Variants in KIF3B observed in about 807,000 individuals in gnomAD.
KIF3B encodes the protein kinesin family member 3B.
In KIF3B, 38 loss-of-function variants were observed where a neutral mutation model predicts 74.3. The ratio of observed to expected loss-of-function variants is 0.51; its 90% CI spans 0.39 to 0.67. KIF3B has a LOEUF of 0.67. Among genes scored for constraint, KIF3B ranks in the 30% least tolerant of loss-of-function variants. KIF3B has a pLI of 0.00. For synonymous variants in KIF3B, 326 were observed against 342.5 expected (o/e 0.95, Z 0.53); for missense variants, 649 against 932.0 (o/e 0.70, Z 3.95).
chr20:32,293,693 C>T (rs1403865624), intron 1 of KIF3B, among the ~76,000 whole-genome samples: 1 of 151,964 alleles, frequency 6.6e-6, no homozygotes, highest in Non-Finnish European at 1.5e-5. Flanking sequence ...GGAAGAAGTA[C>T]AGTGGTATAT....
Position 32,311,179 on chromosome 20 carries a change from A to G in KIF3B, c.1402A>G (p.Lys468Glu). Residue 468 changes from lysine (K) to glutamate (E), a missense_variant and splice_region_variant, in exon 2 of 9, where the codon AAG (lysine) becomes GAG (glutamate). Transcript: ENST00000375712. ...TGCCGAGATGCTGGGCGCCAAGATC[A>G]AGGTACCATACCCGTACCCTTCCTT... ...DAAEMLGAKI[K>E]AMESKLLVGG... The G allele has an allele frequency of 1.9e-6, 3 of 1,606,612 alleles. No individual in the cohort carries two copies. Among genetic ancestry groups the G allele is most frequent in the South Asian group, 1.1e-5 (1 of 89,698 alleles).
At chr20:32,301,859 A>C (rs1042915252) in intron 1 of KIF3B, among the ~76,000 whole-genome samples, 1 of 152,236 alleles carries the variant, frequency 6.6e-6, no homozygotes, top group South Asian at 2.1e-4. Flanking sequence ...GCGTGAATCT[A>C]AACACAAAAG....
chr20:32,312,105 T>C (rs945751077), intron 2 of KIF3B, among the ~76,000 whole-genome samples: 1 of 145,750 alleles, frequency 6.9e-6, no homozygotes, highest in Non-Finnish European at 1.5e-5. Flanking sequence ...GTCCGGCTTT[T>C]TTTTTTCTTT....
chr20:32,292,188 C>T (rs969030533), intron 1 of KIF3B, among the ~76,000 whole-genome samples: 1 of 152,152 alleles, frequency 6.6e-6, no homozygotes, highest in African/African-American at 2.4e-5. Context: ...ATCCTCCCAC[C>T]TCAGCCTCCC....
chr20:32,329,816 T>C (rs2047921606), intron 7 of KIF3B, among the ~76,000 whole-genome samples: 3 of 152,354 alleles, frequency 2.0e-5, no homozygotes, highest in Admixed American at 2.0e-4. Flanking sequence ...ATTATTTTTA[T>C]AGTGAAAGAT....
At chr20:32,296,334 A>G (rs1188504377) in intron 1 of KIF3B, among the ~76,000 whole-genome samples, 1 of 152,026 alleles carries the variant, frequency 6.6e-6, no homozygotes, top group African/African-American at 2.4e-5. Flanking sequence ...TCAAAACTCA[A>G]GAGATATTAA....
chr20:32,311,324 A>G (rs1162979710), intron 2 of KIF3B, 143 bp downstream of exon 2: 3 of 807,064 alleles, frequency 3.7e-6, no homozygotes, highest in Non-Finnish European at 5.7e-6. Flanking sequence ...TCCAGTACTC[A>G]GTAAACCTCT....
intron 1 of KIF3B, among the ~76,000 whole-genome samples, chr20:32,280,270 ATAAAT>A (rs989092433): frequency 1.3e-5 from 2 of 152,200 alleles, no homozygotes; most frequent in Non-Finnish European, 2.9e-5. Flanking sequence ...TGGTGAAAGA[ATAAAT>A]TAAAGTATGT....
intron 2 of KIF3B, among the ~76,000 whole-genome samples, 176 bp from the exon 3 acceptor site, chr20:32,316,042 T>C (rs766838054): frequency 2.6e-5 from 4 of 152,204 alleles, no homozygotes; most frequent in Non-Finnish European, 5.9e-5. Context: ...CTAGTGAAGC[T>C]GCCCCAGTCC....
At chr20:32,309,361 C>G (rs1404978420) in intron 1 of KIF3B, among the ~76,000 whole-genome samples, 2 of 151,874 alleles carry the variant, frequency 1.3e-5, no homozygotes, top group African/African-American at 4.8e-5. Flanking sequence ...GAGACAGGAT[C>G]TTGCTGTGTT....
intron 5 of KIF3B, among the ~76,000 whole-genome samples, chr20:32,325,617 T>A (rs1224199393): frequency 6.7e-6 from 1 of 148,964 alleles, no homozygotes; most frequent in East Asian, 2.0e-4. Context: ...TTTTTTTTTC[T>A]AAGGAGTCTA....
chr20:32,311,238 C>T, intron 2 of KIF3B, 57 bp downstream of exon 2: 1 of 1,472,962 alleles, frequency 6.8e-7, no homozygotes, highest in Non-Finnish European at 9.0e-7. Context: ...TTGCTTTCAT[C>T]AAACAACAAC....
chr20:32,287,349 TG>T lies in KIF3B; in HGVS notation c.-66+9585del, dbSNP rs765208999. Among the ~76,000 whole-genome samples, 30 of 151,582 alleles carry T rather than the reference TG, an allele frequency of 2.0e-4. 1 individual carries two copies. Among genetic ancestry groups the T allele is most frequent in the East Asian group, 1.2e-3 (6 of 5,164 alleles). The stretch of plus-strand genomic sequence containing the variant: ...TTATTTGTTTATTTTTGAGATAGGG[TG>T]TCGCTCCGTTGCCCAGGCTGGAATA... On this transcript the variant is annotated intron_variant, in intron 1 of 8. Coordinates refer to ENST00000375712, the MANE Select transcript of KIF3B (RefSeq NM_004798.4).
chr20:32,311,802 CTTTTTTTT>C (rs771615918), intron 2 of KIF3B, among the ~76,000 whole-genome samples: 1 of 132,128 alleles, frequency 7.6e-6, no homozygotes. Context: ...ATCCATTTTT[CTTTTTTTT>C]TTTTTTTTTG....
At chr20:32,289,611 A>G (rs1416001819) in intron 1 of KIF3B, among the ~76,000 whole-genome samples, 2 of 152,178 alleles carry the variant, frequency 1.3e-5, no homozygotes, top group Admixed American at 1.3e-4. Context: ...CTGTTCTTAT[A>G]TTTATTTTCA....
rs1030528738 is a variant in KIF3B, at chr20:32,333,995, T to C, written c.*2676T>C. The C allele has an allele frequency of 6.6e-6, 1 of 152,582 alleles. No homozygotes were observed. The highest frequency in any genetic ancestry group is 2.4e-5 in the African/African-American group (1 of 41,426). 9.5% of individuals were successfully genotyped at this position (152,582 alleles called of 1,614,324 possible). On this transcript the variant is annotated 3_prime_UTR_variant, in exon 9 of 9. Transcript: ENST00000375712. Reference sequence around the variant, plus strand: ...TTTGGGTTCTGCATTGAGCCAAATATGTAGAGGACCTACCAAGCCCACTGA... The same window carrying C: ...TTTGGGTTCTGCATTGAGCCAAATACGTAGAGGACCTACCAAGCCCACTGA...
intron 1 of KIF3B, among the ~76,000 whole-genome samples, chr20:32,286,517 G>T (rs1350726214): frequency 6.6e-6 from 1 of 152,134 alleles, no homozygotes; most frequent in Admixed American, 6.6e-5. Flanking sequence ...TCTGGCCTAA[G>T]AAATATATGT....
At chr20:32,322,770 A>ATT (rs1486732190) in intron 5 of KIF3B, among the ~76,000 whole-genome samples, 14 of 40,336 alleles carry the variant, frequency 3.5e-4, no homozygotes, top group Admixed American at 4.8e-4. Flanking sequence ...ATATATATTT[A>ATT]TATATATATT....
At chr20:32,322,803 TA>T (rs2047874141) in intron 5 of KIF3B, among the ~76,000 whole-genome samples, 4 of 63,288 alleles carry the variant, frequency 6.3e-5, no homozygotes, top group African/African-American at 3.2e-4. Context: ...TATATATATT[TA>T]TATATATTTA....
Sources: gnomAD v4.1 joint callset for allele counts (sites outside exome capture counted in the v4.1 genomes callset) on GRCh38, gnomAD v4.1.1 for gene constraint, MANE v1.5 for transcripts, NCBI Gene and HGNC (gene_info 2026-07-23, HGNC 2026-07-21) for gene names.